The following NRXN3 variants were observed in gnomAD, a reference collection of about 807,000 sequenced individuals.
NRXN3 encodes neurexin 3.
NRXN3 carries 32 observed loss-of-function variants against 137.6 expected under a neutral mutation model. The observed-to-expected ratio is 0.23, with a 90% CI of 0.18 to 0.31. NRXN3 has a LOEUF of 0.31. NRXN3 is among the 10% of genes least tolerant of loss of function. NRXN3 has a pLI of 1.00. For missense variants in NRXN3, 1,574 were observed against 2,062.5 expected (o/e 0.76, Z 4.59); for synonymous variants, 798 against 784.5 (o/e 1.02, Z -0.29).
At chr14:78,953,827 T>C (rs550370522) in intron 10 of NRXN3, among the ~76,000 whole-genome samples, 148 of 152,320 alleles carry the variant, frequency 9.7e-4, no homozygotes, top group African/African-American at 3.4e-3. Context: ...ATACAACTAA[T>C]ATGTACCCAG....
At chr14:79,401,539 CTCTT>C (rs1311522539) in intron 15 of NRXN3, among the ~76,000 whole-genome samples, 2 of 152,174 alleles carry the variant, frequency 1.3e-5, no homozygotes, top group Non-Finnish European at 2.9e-5. Flanking sequence ...AGTTAAGAAA[CTCTT>C]CCTTTCTTGA....
At chr14:78,856,959 C>T (rs1304119124) in intron 10 of NRXN3, among the ~76,000 whole-genome samples, 1 of 152,142 alleles carries the variant, frequency 6.6e-6, no homozygotes, top group African/African-American at 2.4e-5. Context: ...CCTCAAACTC[C>T]TCACCTCAAG....
chr14:78,574,551 T>A (rs2096918663), intron 4 of NRXN3, among the ~76,000 whole-genome samples: 1 of 152,226 alleles, frequency 6.6e-6, no homozygotes, highest in Non-Finnish European at 1.5e-5. Context: ...GCTTTAAGAT[T>A]TAACTGCCCC....
intron 4 of NRXN3, among the ~76,000 whole-genome samples, chr14:78,362,941 T>G (rs1472169054): frequency 6.6e-6 from 1 of 152,164 alleles, no homozygotes; most frequent in Admixed American, 6.5e-5. Context: ...CTTGAGTCCA[T>G]AGGTATTGCA....
intron 19 of NRXN3, among the ~76,000 whole-genome samples, chr14:79,781,446 A>G (rs2099113558): frequency 6.6e-6 from 1 of 152,258 alleles, no homozygotes; most frequent in Non-Finnish European, 1.5e-5. Context: ...ACCAACAAAT[A>G]GCAATTAATT....
chr14:78,985,462 C>T (rs1158856335), intron 14 of NRXN3, among the ~76,000 whole-genome samples: 3 of 152,148 alleles, frequency 2.0e-5, no homozygotes, highest in Admixed American at 6.5e-5. Context: ...GCTATGGCCA[C>T]AACAAAGCGG....
intron 15 of NRXN3, among the ~76,000 whole-genome samples, chr14:79,069,529 A>G (rs921137345): frequency 2.0e-5 from 3 of 146,674 alleles, no homozygotes; most frequent in Non-Finnish European, 3.0e-5. Context: ...CTAGGTAGAT[A>G]AAAGAAATAG....
At chr14:78,489,029 C>T (rs2095617193) in intron 4 of NRXN3, among the ~76,000 whole-genome samples, 3 of 152,152 alleles carry the variant, frequency 2.0e-5, no homozygotes, top group Admixed American at 1.3e-4. Flanking sequence ...AGAGTGACTA[C>T]ATCAGAGAGA....
In NRXN3 at chr14:79,358,607, G is replaced by GAAAGAGAAAGAAAGAAAGAAA. The variant is rs10667477; in HGVS notation, c.3263-108613_3263-108612insAAGAGAAAGAAAGAAAGAAAA. ...AGAGAGAAAGAAAGAAAGAAAGAAA[G>GAAAGAGAAAGAAAGAAAGAAA]AGAAAGAAAGAAAGAAAGAAAGAAA... On this transcript the variant is annotated intron_variant, in intron 15 of 20. Transcript: ENST00000335750. Among the ~76,000 whole-genome samples, 7 of 79,984 alleles carry GAAAGAGAAAGAAAGAAAGAAA rather than the reference G, an allele frequency of 8.8e-5. No homozygotes were observed. In the East Asian group the frequency reaches 2.6e-3, roughly 30 times the overall value. 52.5% of individuals were successfully genotyped at this position (79,984 alleles called of 152,430 possible).
At chr14:78,933,833 A>G (rs900332996) in intron 10 of NRXN3, among the ~76,000 whole-genome samples, 10 of 152,184 alleles carry the variant, frequency 6.6e-5, no homozygotes, top group South Asian at 2.1e-4. Context: ...ATCATTAACT[A>G]TAGTCTCTAG....
chr14:79,584,684 T>C (rs1230321121), intron 16 of NRXN3, among the ~76,000 whole-genome samples: 2 of 152,194 alleles, frequency 1.3e-5, no homozygotes, highest in Non-Finnish European at 2.9e-5. Context: ...ACAGCTTTAG[T>C]GCTCTGCGGG....
chr14:78,860,019 G>A (rs1344612837), intron 10 of NRXN3, among the ~76,000 whole-genome samples: 5 of 152,232 alleles, frequency 3.3e-5, no homozygotes, highest in African/African-American at 1.2e-4. Context: ...GAAAGAACAT[G>A]TAGGCTTAAT....
At chr14:79,340,644 T>C (rs1264176253) in intron 15 of NRXN3, among the ~76,000 whole-genome samples, 1 of 152,160 alleles carries the variant, frequency 6.6e-6, no homozygotes, top group East Asian at 1.9e-4. Context: ...TTTGTATTTT[T>C]AGCAGAGACA....
At chr14:79,160,586 G>A (rs559121318) in intron 15 of NRXN3, among the ~76,000 whole-genome samples, 5 of 151,994 alleles carry the variant, frequency 3.3e-5, no homozygotes, top group African/African-American at 9.6e-5. Context: ...ACATGTTCGT[G>A]TTGAGTAGGT....
intron 16 of NRXN3, among the ~76,000 whole-genome samples, chr14:79,635,423 G>A (rs1220237562): frequency 6.6e-6 from 1 of 152,190 alleles, no homozygotes; most frequent in Non-Finnish European, 1.5e-5. Flanking sequence ...ATGGAAAGTG[G>A]GAATGGGGTT....
intron 2 of NRXN3, among the ~76,000 whole-genome samples, chr14:78,257,129 A>G (rs2069769490): frequency 6.6e-6 from 1 of 152,240 alleles, no homozygotes; most frequent in South Asian, 2.1e-4. Context: ...AGGATTACTA[A>G]CGCTATCATT....
intron 1 of NRXN3, among the ~76,000 whole-genome samples, chr14:78,240,690 C>T (rs897369127): frequency 4.6e-5 from 7 of 152,212 alleles, no homozygotes; most frequent in African/African-American, 1.7e-4. Flanking sequence ...GGCACAGCAC[C>T]TGTGCCACAC....
intron 8 of NRXN3, among the ~76,000 whole-genome samples, chr14:78,782,904 T>C (rs750470817): frequency 2.1e-4 from 32 of 152,026 alleles, no homozygotes; most frequent in Non-Finnish European, 4.0e-4. Flanking sequence ...CAAGGAGAGG[T>C]AAACATGAAT....
chr14:79,066,046 T>C (rs772486124), intron 15 of NRXN3, among the ~76,000 whole-genome samples: 2 of 152,168 alleles, frequency 1.3e-5, no homozygotes, highest in Admixed American at 6.5e-5. Context: ...GCTTTTGGCG[T>C]TTTTGTCATG....
Sources: gnomAD v4.1 joint callset for allele counts (sites outside exome capture counted in the v4.1 genomes callset) on GRCh38, gnomAD v4.1.1 for gene constraint, MANE v1.5 for transcripts, NCBI Gene and HGNC (gene_info 2026-07-23, HGNC 2026-07-21) for gene names.